The following EVI5 variants were observed in gnomAD, a reference collection of about 807,000 sequenced individuals.
EVI5 encodes ecotropic viral integration site 5, also known as ecotropic viral integration site 5 protein homolog.
EVI5 carries 73 observed loss-of-function variants against 112.0 expected under a neutral mutation model. That is an observed-to-expected ratio of 0.65 (90% CI 0.54 to 0.79). EVI5 has a LOEUF of 0.79. Ranked by LOEUF, EVI5 falls within the 30% of genes least tolerant of loss-of-function variation. EVI5 has a pLI of 0.00. For synonymous variants in EVI5, 305 were observed against 319.9 expected (o/e 0.95, Z 0.50); for missense variants, 900 against 968.8 (o/e 0.93, Z 0.94).
At chr1:92,599,792 T>C (rs1031949337) in intron 18 of EVI5, among the ~76,000 whole-genome samples, 1 of 152,168 alleles carries the variant, frequency 6.6e-6, no homozygotes, top group Non-Finnish European at 1.5e-5. Context: ...TAATTCACAG[T>C]GGGCAGAATA....
chr1:92,541,443 T>C (rs1664787995), intron 19 of EVI5, among the ~76,000 whole-genome samples: 1 of 152,078 alleles, frequency 6.6e-6, no homozygotes, highest in South Asian at 2.1e-4. Context: ...GAGATACTAC[T>C]TAATCGAAAA....
intron 19 of EVI5, among the ~76,000 whole-genome samples, chr1:92,563,325 TTTAG>T (rs1173966916): frequency 3.3e-5 from 5 of 152,170 alleles, no homozygotes; most frequent in Admixed American, 2.0e-4. Context: ...AAAATTTTAG[TTTAG>T]TTAAAGTAAC....
rs191249185 is a variant in EVI5, at chr1:92,684,531, G to A, written c.1098-7313C>T. Among the ~76,000 whole-genome samples the A allele has an allele frequency of 3.6e-3, 549 of 152,264 alleles. 1 individual carries two copies. Among genetic ancestry groups the A allele is most frequent in the Non-Finnish European group, 6.6e-3 (447 of 68,022 alleles). On this transcript the variant is annotated intron_variant, in intron 9 of 19. Transcript: ENST00000684568. ...ATAACCAGCTAACATCACAATGACG[G>A]GGTCAAATTCAAACATAACAATATT...
At chr1:92,769,318 A>G (rs1683059837) in intron 1 of EVI5, among the ~76,000 whole-genome samples, 1 of 152,248 alleles carries the variant, frequency 6.6e-6, no homozygotes, top group Non-Finnish European at 1.5e-5. Flanking sequence ...TTCTTTTCTA[A>G]TAATACATAT....
chr1:92,534,704 A>G (rs992009356), intron 19 of EVI5, among the ~76,000 whole-genome samples: 2 of 151,402 alleles, frequency 1.3e-5, no homozygotes, highest in Middle Eastern at 3.4e-3. Flanking sequence ...TAATAAATGG[A>G]AAACTGGCTA....
At chr1:92,538,413 C>A (rs1488364054) in intron 19 of EVI5, among the ~76,000 whole-genome samples, 1 of 152,136 alleles carries the variant, frequency 6.6e-6, no homozygotes, top group South Asian at 2.1e-4. Flanking sequence ...AAATTCAAAC[C>A]TTTAGCAAAA....
chr1:92,736,733 C>A, intron 1 of EVI5, 106 bp from the exon 2 acceptor site: 1 of 801,034 alleles, frequency 1.2e-6, no homozygotes. Flanking sequence ...TCAGAATATT[C>A]TCTTTGAGGA....
At position 92,624,267 on chromosome 1, in the gene EVI5, T is replaced by C. The variant is rs553860119; in HGVS notation, c.1736A>G (p.Gln579Arg). ...AAGTCGAATGGTCATCAGTTCATCTTGTAACTCATTCATAGCATTTTTCTT... is the reference window on the plus strand; with the variant it reads ...AAGTCGAATGGTCATCAGTTCATCTCGTAACTCATTCATAGCATTTTTCTT... ...PPKKNAMNELQDELMTIRLRE... is the reference protein window; with the variant it reads ...PPKKNAMNELRDELMTIRLRE... Residue 579 changes from glutamine to arginine, a missense_variant, in exon 16 of 20, where the codon CAA becomes CGA. Transcript: ENST00000684568. The C allele has an allele frequency of 2.1e-5, 34 of 1,612,430 alleles. No individual in the cohort carries two copies. In the East Asian group the frequency reaches 3.1e-4, roughly 15 times the overall value.
intron 2 of EVI5, among the ~76,000 whole-genome samples, chr1:92,728,372 T>C (rs971694376): frequency 4.5e-5 from 6 of 132,308 alleles, no homozygotes. Context: ...TCACTTGCCA[T>C]GGTTTCTTTT....
At chr1:92,532,614 A>C (rs181843741) in intron 19 of EVI5, among the ~76,000 whole-genome samples, 2 of 152,316 alleles carry the variant, frequency 1.3e-5, no homozygotes, top group African/African-American at 4.8e-5. Flanking sequence ...TCAAATTAGA[A>C]CTCAGGATTC....
At chr1:92,671,921 G>A (rs1348810320) in intron 10 of EVI5, among the ~76,000 whole-genome samples, 1 of 149,630 alleles carries the variant, frequency 6.7e-6, no homozygotes, top group Non-Finnish European at 1.5e-5. Context: ...TCCTTCCTCC[G>A]CCTCCTGAGT....
intron 13 of EVI5, among the ~76,000 whole-genome samples, chr1:92,648,335 C>T (rs936421551): frequency 4.7e-5 from 7 of 149,768 alleles, no homozygotes; most frequent in Non-Finnish European, 7.4e-5. Flanking sequence ...ATCACACCAC[C>T]GCACTCCATC....
At chr1:92,565,901 C>T (rs1048090457) in intron 18 of EVI5, among the ~76,000 whole-genome samples, 6 of 122,248 alleles carry the variant, frequency 4.9e-5, no homozygotes, top group African/African-American at 1.3e-4. Context: ...ACCTGGGAGG[C>T]GCAGGTTGCA....
intron 13 of EVI5, among the ~76,000 whole-genome samples, chr1:92,649,458 G>T (rs1201605863): frequency 6.6e-6 from 1 of 152,176 alleles, no homozygotes; most frequent in Non-Finnish European, 1.5e-5. Context: ...AGGTCATGAA[G>T]ATTTATCTCT....
chr1:92,594,054 G>A (rs1674483672), intron 18 of EVI5, among the ~76,000 whole-genome samples: 2 of 152,128 alleles, frequency 1.3e-5, no homozygotes, highest in Admixed American at 1.3e-4. Context: ...TTTCTTCACA[G>A]AACTGGAAAA....
chr1:92,743,346 C>T (rs765520513), intron 1 of EVI5, among the ~76,000 whole-genome samples: 2 of 151,260 alleles, frequency 1.3e-5, no homozygotes, highest in Non-Finnish European at 2.9e-5. Flanking sequence ...AGCAAGACTC[C>T]GTCTCAAAAA....
chr1:92,718,873 G>A (rs1244374799), intron 2 of EVI5, among the ~76,000 whole-genome samples: 2 of 151,942 alleles, frequency 1.3e-5, no homozygotes, highest in Non-Finnish European at 2.9e-5. Context: ...TATCACCACC[G>A]ATCCCACAGA....
At chr1:92,534,203 C>A (rs565126217) in intron 19 of EVI5, among the ~76,000 whole-genome samples, 150 of 152,092 alleles carry the variant, frequency 9.9e-4, no homozygotes, top group African/African-American at 3.2e-3. Flanking sequence ...AGAGAAAAAA[C>A]CAGGGAATAC....
intron 1 of EVI5, among the ~76,000 whole-genome samples, chr1:92,773,226 C>T (rs886464691): frequency 4.7e-5 from 7 of 149,916 alleles, no homozygotes; most frequent in Non-Finnish European, 1.5e-5. Context: ...TTCATAGCTA[C>T]TTTATTCATA....
Sources: gnomAD v4.1 joint callset for allele counts (sites outside exome capture counted in the v4.1 genomes callset) on GRCh38, gnomAD v4.1.1 for gene constraint, MANE v1.5 for transcripts, NCBI Gene and HGNC (gene_info 2026-07-23, HGNC 2026-07-21) for gene names.